Variants in SOS1 observed in about 807,000 individuals in gnomAD.
SOS1 encodes SOS Ras/Rac guanine nucleotide exchange factor 1.
Under a neutral mutation model 157.6 loss-of-function variants are expected in SOS1, and 25 were observed. That is an observed-to-expected ratio of 0.16 (90% CI 0.12 to 0.22). The LOEUF is 0.22. Among genes scored for constraint, SOS1 ranks in the 10% least tolerant of loss-of-function variants. SOS1 has a pLI of 1.00. For missense variants in SOS1, 1,237 were observed against 1,599.1 expected, an observed-to-expected ratio of 0.77 and a Z score of 3.86; for synonymous variants, 528 against 534.0, an observed-to-expected ratio of 0.99 and a Z score of 0.16.
chr2:39,061,893 C>G (rs979866661), intron 2 of SOS1, among the ~76,000 whole-genome samples: 2 of 151,682 alleles, frequency 1.3e-5, no homozygotes, highest in African/African-American at 2.4e-5. Context: ...TTAGCAGAAC[C>G]CTGTCTTCTC....
At chr2:39,052,698 T>C (rs1410620339) in intron 5 of SOS1, among the ~76,000 whole-genome samples, 1 of 152,238 alleles carries the variant, frequency 6.6e-6, no homozygotes, top group Middle Eastern at 3.2e-3. Context: ...CACCTGCTGA[T>C]GGACATTTGG....
chr2:39,103,194 T>C (rs1044377107), intron 1 of SOS1, among the ~76,000 whole-genome samples: 27 of 152,176 alleles, frequency 1.8e-4, no homozygotes, highest in Non-Finnish European at 3.5e-4. Flanking sequence ...TTCTGAGTTA[T>C]TGAGTAGGAA....
chr2:39,086,092 C>T (rs935460033), intron 1 of SOS1, among the ~76,000 whole-genome samples: 12 of 152,262 alleles, frequency 7.9e-5, no homozygotes, highest in South Asian at 6.2e-4. Context: ...CTTTAATAAA[C>T]GTTACCTGTA....
chr2:39,015,646 T>TC (rs1669605517), intron 10 of SOS1, among the ~76,000 whole-genome samples: 1 of 151,890 alleles, frequency 6.6e-6, no homozygotes, highest in Admixed American at 6.6e-5. Context: ...AACAGTATTA[T>TC]CCTAAGTTGT....
chr2:39,079,645 C>A (rs917990969), intron 1 of SOS1, among the ~76,000 whole-genome samples: 1 of 151,892 alleles, frequency 6.6e-6, no homozygotes, highest in African/African-American at 2.4e-5. Flanking sequence ...CAGGCACGTG[C>A]CACCATGCCC....
chr2:38,996,304 G>T (rs866650666), intron 19 of SOS1, among the ~76,000 whole-genome samples: 40 of 152,264 alleles, frequency 2.6e-4, no homozygotes, highest in African/African-American at 9.4e-4. Context: ...TGGCCAGGCT[G>T]GTCTCAAACT....
Position 39,019,692 on chromosome 2 carries a change from T to C in SOS1, c.1858+2878A>G, listed in dbSNP as rs898717379. 2.0e-5 allele frequency among the ~76,000 whole-genome samples: 3 copies of C among 151,654 alleles called. No homozygotes were observed. The East Asian group carries it at 5.8e-4, about 29-fold the overall frequency. ...TTTTCTTTCCACAAAGCTTTCCCTT[T>C]AGTGAGCAAACTACATCAATAGACT... On this transcript the variant is annotated intron_variant, in intron 10 of 22. Coordinates refer to ENST00000402219, the MANE Select transcript of SOS1 (RefSeq NM_005633.4).
At chr2:38,996,241 C>T (rs1451500211) in intron 19 of SOS1, among the ~76,000 whole-genome samples, 2 of 152,182 alleles carry the variant, frequency 1.3e-5, no homozygotes, top group Admixed American at 1.3e-4. Flanking sequence ...AGGCTCCCGC[C>T]ACCATGTCTG....
At chr2:39,094,787 A>G (rs900542165) in intron 1 of SOS1, among the ~76,000 whole-genome samples, 10 of 152,012 alleles carry the variant, frequency 6.6e-5, no homozygotes, top group African/African-American at 2.4e-4. Flanking sequence ...ATTTCTAAGG[A>G]CTCTTTGTTT....
chr2:39,025,386 G>A (rs975146642), intron 8 of SOS1, among the ~76,000 whole-genome samples: 18 of 150,752 alleles, frequency 1.2e-4, no homozygotes, highest in African/African-American at 3.4e-4. Flanking sequence ...GTCTTGCTCT[G>A]TACCCCAGGC....
In SOS1 at chr2:39,067,624, A is replaced by C. The variant is rs1325380102; in HGVS notation, c.213+4T>G. The C allele has an allele frequency of 6.2e-7, 1 of 1,612,366 alleles. No homozygotes were observed. The highest frequency in any genetic ancestry group is 1.1e-5 in the South Asian group (1 of 91,052). On this transcript the variant is annotated splice_donor_region_variant and intron_variant, in intron 2 of 22. Coordinates refer to ENST00000402219, the MANE Select transcript of SOS1 (RefSeq NM_005633.4). ...AAGTAAATACAAGACAACATTTGTC[A>C]TACCTCTACATCTGAAGCACTTCGG...
intron 20 of SOS1, among the ~76,000 whole-genome samples, chr2:38,994,816 C>T (rs955628359): frequency 6.6e-6 from 1 of 152,124 alleles, no homozygotes; most frequent in African/African-American, 2.4e-5. Flanking sequence ...TAAGACTGAT[C>T]TTTGTCTCCT....
intron 1 of SOS1, among the ~76,000 whole-genome samples, chr2:39,068,320 G>A (rs185082833): frequency 3.5e-4 from 54 of 152,306 alleles, no homozygotes; most frequent in African/African-American, 1.3e-3. Flanking sequence ...GCAGAAATGG[G>A]GAAAGGAAGA....
intron 17 of SOS1, among the ~76,000 whole-genome samples, chr2:39,000,295 A>G (rs778660632): frequency 1.3e-5 from 2 of 152,250 alleles, no homozygotes; most frequent in Non-Finnish European, 2.9e-5. Flanking sequence ...ACACTGCATC[A>G]GTAAAAAATA....
At chr2:39,039,321 T>C (rs551673849) in intron 6 of SOS1, among the ~76,000 whole-genome samples, 5 of 152,332 alleles carry the variant, frequency 3.3e-5, no homozygotes, top group Admixed American at 1.3e-4. Flanking sequence ...TGTGCACATA[T>C]GCATGAATAT....
chr2:39,031,196 T>TA (rs1346562898), intron 8 of SOS1, among the ~76,000 whole-genome samples: 1 of 152,198 alleles, frequency 6.6e-6, no homozygotes, highest in African/African-American at 2.4e-5. Context: ...CACAACAACA[T>TA]AGACTTCAAC....
chr2:39,107,674 A>C (rs1006090251), intron 1 of SOS1, among the ~76,000 whole-genome samples: 4 of 151,920 alleles, frequency 2.6e-5, no homozygotes, highest in African/African-American at 9.7e-5. Flanking sequence ...AAAAAAAAAA[A>C]AAAAAAACCT....
chr2:39,003,809 T>A (rs555078023), intron 17 of SOS1, among the ~76,000 whole-genome samples: 2 of 152,312 alleles, frequency 1.3e-5, no homozygotes, highest in African/African-American at 4.8e-5. Flanking sequence ...TTATCATCTG[T>A]GAAAACACTA....
chr2:39,058,915 G>T, intron 2 of SOS1, 111 bp from the exon 3 acceptor site: 1 of 817,128 alleles, frequency 1.2e-6, no homozygotes, highest in East Asian at 2.7e-5. Context: ...TTTCACATGT[G>T]GTATAATTTA....
Sources: allele counts gnomAD v4.1 joint callset (sites outside exome capture counted in the v4.1 genomes callset), GRCh38; gene constraint gnomAD v4.1.1; transcripts MANE v1.5; gene names NCBI Gene and HGNC (gene_info 2026-07-23, HGNC 2026-07-21).